MEGF9: variants seen among roughly 807,000 people sequenced by gnomAD.
MEGF9 encodes multiple epidermal growth factor-like domains protein 9.
Under a neutral mutation model 46.8 loss-of-function variants are expected in MEGF9, and 6 were observed. The ratio of observed to expected loss-of-function variants is 0.13; its 90% confidence interval spans 0.07 to 0.25. The LOEUF (loss-of-function observed/expected upper bound fraction) is 0.25, where lower values mean the gene tolerates loss of function less well. Among genes scored for constraint, MEGF9 ranks in the 10% least tolerant of loss-of-function variants. MEGF9 has a pLI of 1.00. For synonymous variants in MEGF9, 302 were observed against 330.7 expected (o/e 0.91, Z 0.94); for missense variants, 683 against 792.4 (o/e 0.86, Z 1.66).
In MEGF9 at chr9:120,659,562, G is replaced by A; in HGVS notation, c.615C>T (p.Asn205=). The A allele has an allele frequency of 6.2e-7, 1 of 1,611,670 alleles. No individual in the cohort carries two copies. Among genetic ancestry groups the A allele is most frequent in the East Asian group, 2.2e-5 (1 of 44,808 alleles). Residue 205 remains asparagine, a synonymous_variant, in exon 2 of 6, where the codon AAC becomes AAT. Coordinates refer to ENST00000373930, the MANE Select transcript of MEGF9 (RefSeq NM_001080497.3). The part of the protein sequence containing the change: ...PSSPPPEYVC[N]CSVVGSLNVN... ...CATTCAGGCTTCCAACCACAGAGCAGTTACATACATACTCTGCAAAGGAAA... is the reference window on the plus strand; with the variant it reads ...CATTCAGGCTTCCAACCACAGAGCAATTACATACATACTCTGCAAAGGAAA...
chr9:120,612,418 T>C lies in MEGF9; in HGVS notation c.1065A>G (p.Thr355=). The change falls in exon 4 of 6, where the codon ACA becomes ACG. Residue 355 remains threonine (T), a synonymous_variant. Transcript: ENST00000373930. ...ECLRCPCSAV[T]STGSCSIKSS... Reference sequence around the variant, plus strand: ...TACTTATAGAGCAGCTGCCTGTAGATGTCACTGCTGAACAAGGGCAGCGAA... The same window carrying C: ...TACTTATAGAGCAGCTGCCTGTAGACGTCACTGCTGAACAAGGGCAGCGAA... 2.5e-6 allele frequency: 4 copies of C among 1,613,078 alleles called. No individual in the cohort carries two copies. Among genetic ancestry groups the C allele is most frequent in the Non-Finnish European group, 3.4e-6 (4 of 1,179,522 alleles).
chr9:120,666,701 T>C (rs2043726687), intron 1 of MEGF9, among the ~76,000 whole-genome samples: 1 of 152,198 alleles, frequency 6.6e-6, no homozygotes, highest in South Asian at 2.1e-4. Flanking sequence ...TACAGAAATA[T>C]TTATGATAAG....
intron 2 of MEGF9, among the ~76,000 whole-genome samples, chr9:120,626,412 T>C (rs2043525891): frequency 6.6e-6 from 1 of 152,226 alleles, no homozygotes; most frequent in African/African-American, 2.4e-5. Flanking sequence ...TACATACTCA[T>C]GGGTGTGAAC....
At chr9:120,710,032 C>CAAAAAAA (rs56208944) in intron 1 of MEGF9, among the ~76,000 whole-genome samples, 1 of 97,902 alleles carries the variant, frequency 1.0e-5, no homozygotes. Flanking sequence ...AACTCCGTCT[C>CAAAAAAA]AAAAAAAAAA....
rs575360512 is a variant in MEGF9, at chr9:120,713,980, G to T, written c.379C>A (p.Pro127Thr). ...GTCGAAGTGCGTTCCGCCGCCGGAG[G>T]GGTGGTCGGCGAGGGGCCGAGCGGC... is the stretch of plus-strand genomic sequence containing the variant. ...QAPLGPSPTT[P>T]PAAERTSTTS... Residue 127 changes from proline (P) to threonine (T), a missense_variant, in exon 1 of 6, where the codon CCT becomes ACT. Coordinates refer to ENST00000373930, the MANE Select transcript of MEGF9 (RefSeq NM_001080497.3). 1.4e-6 allele frequency: 2 copies of T among 1,383,832 alleles called. No individual in the cohort carries two copies. The highest frequency in any genetic ancestry group is 5.5e-5 in the East Asian group (2 of 36,230). 85.7% of individuals were successfully genotyped at this position (1,383,832 alleles called of 1,614,324 possible). A position where few individuals can be genotyped will look rare whatever the true frequency, so the allele number is the denominator to read the frequency against.
chr9:120,642,167 C>G (rs1445734214), intron 2 of MEGF9, among the ~76,000 whole-genome samples: 2 of 152,202 alleles, frequency 1.3e-5, no homozygotes, highest in East Asian at 3.8e-4. Context: ...TTTTCCTTTC[C>G]AATGATTCTG....
intron 1 of MEGF9, among the ~76,000 whole-genome samples, chr9:120,702,670 T>A (rs929666731): frequency 6.6e-6 from 1 of 152,186 alleles, no homozygotes. Context: ...CAAAAATCTT[T>A]ACTGAAAGGA....
chr9:120,667,632 AT>A (rs1240101916), intron 1 of MEGF9, among the ~76,000 whole-genome samples: 3 of 152,216 alleles, frequency 2.0e-5, no homozygotes, highest in African/African-American at 7.2e-5. Context: ...AAATTACATC[AT>A]TCCTGATTTC....
intron 1 of MEGF9, among the ~76,000 whole-genome samples, chr9:120,662,673 T>C (rs181703994): frequency 3.3e-5 from 5 of 152,342 alleles, no homozygotes; most frequent in Admixed American, 2.6e-4. Context: ...CTTTGGAGTA[T>C]TGCAATAATT....
chr9:120,635,192 T>C (rs1411812054), intron 2 of MEGF9, among the ~76,000 whole-genome samples: 1 of 152,222 alleles, frequency 6.6e-6, no homozygotes, highest in African/African-American at 2.4e-5. Context: ...GTTAGGTTAA[T>C]GAAGACTCCC....
chr9:120,615,555 C>T (rs1036769407), intron 3 of MEGF9, among the ~76,000 whole-genome samples: 1 of 151,728 alleles, frequency 6.6e-6, no homozygotes, highest in Non-Finnish European at 1.5e-5. Context: ...AATAACCTTA[C>T]GTGGTAAACA....
In MEGF9 at chr9:120,695,050, A is replaced by AG. The variant is rs1486247061; in HGVS notation, c.601+18707_601+18708insC. Among the ~76,000 whole-genome samples the AG allele has an allele frequency of 4.6e-4, 70 of 150,942 alleles. No homozygotes were observed. In the East Asian group the frequency reaches 7.7e-3, roughly 17 times the overall value. ...ATATAGTGGTTTAAAAAAAAAAAAA[A>AG]AGAGAGAGAGAGAGAGACAAAGACA... is the stretch of plus-strand genomic sequence containing the variant. On this transcript the variant is annotated intron_variant, in intron 1 of 5. Transcript: ENST00000373930.
chr9:120,663,035 T>C (rs2043709643), intron 1 of MEGF9, among the ~76,000 whole-genome samples: 1 of 152,214 alleles, frequency 6.6e-6, no homozygotes, highest in Non-Finnish European at 1.5e-5. Context: ...TAATTATATA[T>C]CCTTGGTACT....
chr9:120,691,342 C>A lies in MEGF9; in HGVS notation c.601+22416G>T, dbSNP rs991148797. 6 of 392,918 alleles carry A rather than the reference C, an allele frequency of 1.5e-5. No individual in the cohort carries two copies. In the East Asian group the frequency reaches 4.5e-4, roughly 29 times the overall value. The allele number at this position is 392,918 out of a possible 1,614,324, so 24.3% of individuals were successfully genotyped here. ...GTGAGAGATATGAGAAAGGTCATAA[C>A]CCTACTCTGTTAATTTTGGTATATA... On this transcript the variant is annotated intron_variant, in intron 1 of 5. Transcript: ENST00000373930.
intron 4 of MEGF9, among the ~76,000 whole-genome samples, chr9:120,609,269 C>T (rs1310990304): frequency 6.7e-6 from 1 of 150,204 alleles, no homozygotes; most frequent in Non-Finnish European, 1.5e-5. Flanking sequence ...AGGTTTTGTA[C>T]ATACTACTTT....
intron 4 of MEGF9, 28 bp downstream of exon 4, chr9:120,612,368 A>T (rs1331317904): frequency 1.3e-6 from 2 of 1,590,300 alleles, no homozygotes; most frequent in Admixed American, 3.7e-5. Flanking sequence ...TTTTCCCTCT[A>T]AAATGAAAAG....
chr9:120,608,517 C>T (rs2043430072), intron 4 of MEGF9, among the ~76,000 whole-genome samples: 1 of 152,170 alleles, frequency 6.6e-6, no homozygotes, highest in Non-Finnish European at 1.5e-5. Flanking sequence ...GACTTCTATT[C>T]TTGGTTTCTT....
intron 1 of MEGF9, among the ~76,000 whole-genome samples, chr9:120,686,087 A>AT (rs939309954): frequency 0.039 from 5,315 of 136,992 alleles, 274 homozygotes; most frequent in African/African-American, 0.11. Context: ...AGTTGAGGGA[A>AT]TTTTTTTTTT....
chr9:120,713,630 C>T, intron 1 of MEGF9, 128 bp downstream of exon 1: 1 of 1,204,776 alleles, frequency 8.3e-7, no homozygotes, highest in Non-Finnish European at 1.0e-6. Flanking sequence ...CCTGGGATCC[C>T]CCCTCGGGAG....
Sources: allele counts gnomAD v4.1 joint callset (sites outside exome capture counted in the v4.1 genomes callset), GRCh38; gene constraint gnomAD v4.1.1; transcripts MANE v1.5; gene names NCBI Gene and HGNC (gene_info 2026-07-23, HGNC 2026-07-21).